ADK: variants seen among roughly 807,000 people sequenced by gnomAD.
ADK encodes adenosine kinase.
A neutral mutation model predicts 44.7 loss-of-function variants in ADK; 24 were observed. That is an observed-to-expected ratio of 0.54 (90% CI 0.39 to 0.76). ADK has a LOEUF of 0.76. Among genes scored for constraint, ADK ranks in the 30% least tolerant of loss-of-function variants. ADK has a pLI of 0.00. For missense variants in ADK, 321 were observed against 425.1 expected (o/e 0.76, Z 2.15); for synonymous variants, 128 against 142.6 (o/e 0.90, Z 0.73).
chr10:74,589,438 A>T, intron 8 of ADK, 121 bp downstream of exon 8: 1 of 1,063,820 alleles, frequency 9.4e-7, no homozygotes, highest in East Asian at 2.4e-5. Context: ...AGCAGTTGCC[A>T]TGGAAACTTG....
At chr10:74,474,754 G>T (rs1175112466) in intron 6 of ADK, among the ~76,000 whole-genome samples, 1 of 152,064 alleles carries the variant, frequency 6.6e-6, no homozygotes, top group Non-Finnish European at 1.5e-5. Flanking sequence ...AACCTTCTAG[G>T]CTCAAGCAAT....
At chr10:74,613,472 C>G (rs764343428) in intron 9 of ADK, among the ~76,000 whole-genome samples, 9 of 152,104 alleles carry the variant, frequency 5.9e-5, no homozygotes, top group Non-Finnish European at 1.3e-4. Flanking sequence ...TACAGGCAAT[C>G]TACAGTTTAC....
chr10:74,437,947 T>C (rs1164974435), intron 6 of ADK, among the ~76,000 whole-genome samples: 1 of 152,212 alleles, frequency 6.6e-6, no homozygotes, highest in East Asian at 1.9e-4. Flanking sequence ...TTACTCCTCC[T>C]TCCTGGAATG....
intron 1 of ADK, chr10:74,176,999 C>G (rs113854391): frequency 6.9e-7 from 1 of 1,448,472 alleles, no homozygotes; most frequent in Non-Finnish European, 9.4e-7. Context: ...CGCCTCTGGT[C>G]CCCCTCGTGT....
chr10:74,404,466 G>C (rs554856796), intron 6 of ADK, among the ~76,000 whole-genome samples: 104 of 152,208 alleles, frequency 6.8e-4, no homozygotes, highest in Non-Finnish European at 1.2e-3. Flanking sequence ...GGATCTGTCA[G>C]TAATAAATTC....
intron 7 of ADK, among the ~76,000 whole-genome samples, chr10:74,537,692 A>G (rs958886246): frequency 2.0e-5 from 3 of 152,184 alleles, no homozygotes; most frequent in Non-Finnish European, 4.4e-5. Flanking sequence ...GATTAAGTAC[A>G]CTCAACTTTG....
intron 3 of ADK, among the ~76,000 whole-genome samples, chr10:74,274,732 G>GTATATATATA (rs754929114): frequency 0.021 from 1,803 of 84,140 alleles, 113 homozygotes; most frequent in Non-Finnish European, 0.031. Context: ...TTTAATGTGT[G>GTATATATATA]TATATATATA....
At chr10:74,290,425 C>G (rs1194360434) in intron 3 of ADK, among the ~76,000 whole-genome samples, 2 of 152,070 alleles carry the variant, frequency 1.3e-5, no homozygotes. Context: ...TTTCCCTAGT[C>G]TTTCTCTAAA....
chr10:74,459,890 T>C (rs1321125893), intron 6 of ADK, among the ~76,000 whole-genome samples: 1 of 152,078 alleles, frequency 6.6e-6, no homozygotes, highest in Non-Finnish European at 1.5e-5. Flanking sequence ...TCCCAATGAG[T>C]TAAAAAAGAA....
chr10:74,293,161 G>C (rs1410582299), intron 3 of ADK, among the ~76,000 whole-genome samples: 1 of 48,422 alleles, frequency 2.1e-5, no homozygotes, highest in African/African-American at 8.7e-5. Flanking sequence ...TTGAAACCCT[G>C]TCTCAAAAAA....
intron 3 of ADK, among the ~76,000 whole-genome samples, chr10:74,239,784 AATAGGCTGTC>A (rs1456729020): frequency 6.6e-6 from 1 of 151,636 alleles, no homozygotes; most frequent in African/African-American, 2.4e-5. Context: ...GAAAAAACAA[AATAGGCTGTC>A]ATGTTCTAAT....
At chr10:74,157,860 C>A (rs1841796117) in intron 1 of ADK, among the ~76,000 whole-genome samples, 1 of 152,168 alleles carries the variant, frequency 6.6e-6, no homozygotes, top group Non-Finnish European at 1.5e-5. Context: ...CCATTGCACT[C>A]CAGCCTGGGC....
chr10:74,563,926 G>A (rs1441825269), intron 7 of ADK, among the ~76,000 whole-genome samples: 4 of 151,638 alleles, frequency 2.6e-5, no homozygotes, highest in African/African-American at 9.7e-5. Flanking sequence ...AAGTTTTAGG[G>A]TACATGTGCA....
In ADK at chr10:74,489,440, A is replaced by G. The variant is rs183821562; in HGVS notation, c.556-35816A>G. 3.6e-3 allele frequency among the ~76,000 whole-genome samples: 545 copies of G among 152,118 alleles called. 3 individuals carry two copies. The highest frequency in any genetic ancestry group is 0.013 in the African/African-American group (525 of 41,562). Reference sequence around the variant, plus strand: ...GAATAACAGCTCAATGACTTGAACAAGGATACAGATGCATGTAGTATACAC... The same window carrying G: ...GAATAACAGCTCAATGACTTGAACAGGGATACAGATGCATGTAGTATACAC... On this transcript the variant is annotated intron_variant, in intron 6 of 10. Coordinates refer to ENST00000539909, the MANE Select transcript of ADK (RefSeq NM_006721.4).
chr10:74,359,333 G>C (rs1842249438), intron 4 of ADK, among the ~76,000 whole-genome samples: 1 of 151,974 alleles, frequency 6.6e-6, no homozygotes, highest in Admixed American at 6.6e-5. Context: ...TTTAGGATTT[G>C]TTTTTTCTAT....
At chr10:74,694,147 A>ATTTTTTTTT (rs10669118) in intron 10 of ADK, among the ~76,000 whole-genome samples, 2 of 82,302 alleles carry the variant, frequency 2.4e-5, no homozygotes, top group African/African-American at 4.9e-5. Flanking sequence ...TTTCAAACAC[A>ATTTTTTTTT]TTTTTTTTTT....
At chr10:74,257,148 C>T (rs1845854128) in intron 3 of ADK, among the ~76,000 whole-genome samples, 1 of 152,148 alleles carries the variant, frequency 6.6e-6, no homozygotes, top group Non-Finnish European at 1.5e-5. Context: ...CATGATATTA[C>T]AGTCATCCTT....
intron 1 of ADK, among the ~76,000 whole-genome samples, chr10:74,191,481 G>A (rs1180522233): frequency 6.6e-6 from 1 of 151,474 alleles, no homozygotes; most frequent in African/African-American, 2.4e-5. Flanking sequence ...CGAACTCTTG[G>A]GCTCAAGTGA....
chr10:74,600,357 T>A, intron 8 of ADK, 22 bp from the exon 9 acceptor site: 1 of 1,524,578 alleles, frequency 6.6e-7, no homozygotes, highest in Non-Finnish European at 9.0e-7. Context: ...CATGAGAATT[T>A]TTTCCTTCCT....
Sources: gnomAD v4.1 joint callset for allele counts (sites outside exome capture counted in the v4.1 genomes callset) on GRCh38, gnomAD v4.1.1 for gene constraint, MANE v1.5 for transcripts, NCBI Gene and HGNC (gene_info 2026-07-23, HGNC 2026-07-21) for gene names.